The following ACBD5 variants were observed in gnomAD, a reference collection of about 807,000 sequenced individuals.
ACBD5 encodes the protein acyl-CoA-binding domain-containing protein 5.
In ACBD5, 40 loss-of-function variants were observed where a neutral mutation model predicts 71.8. The observed-to-expected ratio is 0.56, with a 90% confidence interval of 0.43 to 0.72. The LOEUF is 0.72. Among genes scored for constraint, ACBD5 ranks in the 30% least tolerant of loss-of-function variants. The pLI is 0.00. For missense variants in ACBD5, 559 were observed against 644.5 expected, an observed-to-expected ratio of 0.87 and a Z score of 1.44; for synonymous variants, 229 against 218.6, an observed-to-expected ratio of 1.05 and a Z score of -0.42.
chr10:27,238,192 G>A (rs1259003539), intron 2 of ACBD5, among the ~76,000 whole-genome samples: 1 of 151,710 alleles, frequency 6.6e-6, no homozygotes, highest in African/African-American at 2.4e-5. Context: ...TGATCCGCCA[G>A]CCCCGTGATC....
At chr10:27,221,122 A>G (rs891619541) in intron 5 of ACBD5, among the ~76,000 whole-genome samples, 1 of 98,890 alleles carries the variant, frequency 1.0e-5, no homozygotes, top group African/African-American at 3.8e-5. Context: ...CAGGTCCACA[A>G]TCCCTTACTT....
chr10:27,186,301 C>T, intron 13 of ACBD5: 1 of 1,390,958 alleles, frequency 7.2e-7, no homozygotes, highest in Non-Finnish European at 1.0e-6. Context: ...GAGACATTCT[C>T]TTTTTATAAT....
At chr10:27,224,081 G>A (rs1269858875) in intron 4 of ACBD5, among the ~76,000 whole-genome samples, 2 of 151,482 alleles carry the variant, frequency 1.3e-5, no homozygotes, top group Non-Finnish European at 2.9e-5. Flanking sequence ...ACAGCTAGGG[G>A]GCGCAGTGCA....
chr10:27,211,077 A>G lies in ACBD5; in HGVS notation c.941T>C (p.Leu314Ser), dbSNP rs1200761401. 2 of 1,614,092 alleles carry G rather than the reference A, an allele frequency of 1.2e-6. No individual in the cohort carries two copies. Among genetic ancestry groups the G allele is most frequent in the Admixed American group, 1.7e-5 (1 of 60,022 alleles). ...TCCATTGTTGGACGTAAAGCTGTCT[A>G]AAGACTACAAATTAGAAATGACACT... ...SMEQFGQEES[L>S]DSFTSNNGPF... Residue 314 changes from leucine (L) to serine (S), a missense_variant, in exon 9 of 13, where the codon TTA becomes TCA. Leu to Ser is a moderately radical substitution (Grantham distance 145). Coordinates refer to ENST00000396271, the MANE Select transcript of ACBD5 (RefSeq NM_145698.5).
In ACBD5 at chr10:27,211,060, T is replaced by C. The variant is rs1474412747; in HGVS notation, c.958A>G (p.Asn320Asp). Reference sequence around the variant, plus strand: ...AAGTAATACTGAAATGGTCCATTGTTGGACGTAAAGCTGTCTAAAGACTAC... The same window carrying C: ...AAGTAATACTGAAATGGTCCATTGTCGGACGTAAAGCTGTCTAAAGACTAC... ...QEESLDSFTS[N>D]NGPFQYYLGG... Residue 320 changes from asparagine (N) to aspartate (D), a missense_variant, in exon 9 of 13, where the codon AAC (asparagine) becomes GAC (aspartate). Physicochemically the swap from Asn to Asp is conservative, Grantham distance 23 (BLOSUM62 1). Transcript: ENST00000396271. The C allele has an allele frequency of 6.2e-7, 1 of 1,614,114 alleles. No homozygotes were observed. The highest frequency in any genetic ancestry group is 1.3e-5 in the African/African-American group (1 of 74,946).
intron 4 of ACBD5, among the ~76,000 whole-genome samples, chr10:27,226,557 A>C (rs752650171): frequency 6.6e-6 from 1 of 151,920 alleles, no homozygotes; most frequent in African/African-American, 2.4e-5. Flanking sequence ...ATCTAAACCA[A>C]GCTTGTCCAA....
Position 27,196,500 on chromosome 10 carries a change from G to A in ACBD5, c.*930C>T. On this transcript the variant is annotated 3_prime_UTR_variant, in exon 13 of 13. Transcript: ENST00000396271. Reference sequence around the variant, plus strand: ...CGAAGGAAAAACTGAGGCACTAAGAGGTTAAGAGTCCAGTCTATATAGTTC... The same window carrying A: ...CGAAGGAAAAACTGAGGCACTAAGAAGTTAAGAGTCCAGTCTATATAGTTC... 2.2e-6 allele frequency: 1 copy of A among 454,480 alleles called. No individual in the cohort carries two copies. Among genetic ancestry groups the A allele is most frequent in the South Asian group, 1.6e-5 (1 of 64,482 alleles). The allele number at this position is 454,480 out of a possible 1,614,324, so 28.2% of individuals were successfully genotyped here.
intron 10 of ACBD5, among the ~76,000 whole-genome samples, chr10:27,206,556 CA>C (rs2060485783): frequency 6.6e-6 from 1 of 152,006 alleles, no homozygotes; most frequent in African/African-American, 2.4e-5. Flanking sequence ...GGTGGAGTTA[CA>C]GTGAGCCAAG....
chr10:27,220,311 T>C (rs1306208410), intron 5 of ACBD5: 2 of 153,864 alleles, frequency 1.3e-5, no homozygotes, highest in African/African-American at 4.8e-5. Context: ...ACTCACATTA[T>C]CTGTCTTTAT....
At chr10:27,220,005 T>C (rs2062134513) in intron 5 of ACBD5, 148 bp from the exon 6 acceptor site, 3 of 539,228 alleles carry the variant, frequency 5.6e-6, no homozygotes, top group Non-Finnish European at 5.4e-6. Context: ...TTTCTTTGAC[T>C]ATAAACATAC....
intron 10 of ACBD5, among the ~76,000 whole-genome samples, chr10:27,207,453 A>C (rs1413400508): frequency 2.0e-5 from 3 of 152,180 alleles, no homozygotes; most frequent in Non-Finnish European, 4.4e-5. Context: ...CATGAGTCAC[A>C]ATTAATGTAT....
chr10:27,215,601 C>T lies in ACBD5; in HGVS notation c.870G>A (p.Gln290=), dbSNP rs567275182. ...CACTGTCTGAATCGCTTGTCAAATG[C>T]TGAATTCCTGTAACATCTTCAACAT... ...DDHVEDVTGI[Q]HLTSDSDSEV... Residue 290 remains glutamine, a synonymous_variant, in exon 8 of 13, where the codon CAG becomes CAA. Coordinates refer to ENST00000396271, the MANE Select transcript of ACBD5 (RefSeq NM_145698.5). The T allele has an allele frequency of 6.2e-7, 1 of 1,613,452 alleles. No homozygotes were observed. The highest frequency in any genetic ancestry group is 1.3e-5 in the African/African-American group (1 of 75,044).
chr10:27,238,952 C>T (rs1448453693), intron 2 of ACBD5, among the ~76,000 whole-genome samples: 2 of 152,128 alleles, frequency 1.3e-5, no homozygotes, highest in African/African-American at 4.8e-5. Context: ...AATCCCAGCA[C>T]TTTGGGTGGC....
chr10:27,189,590 G>T (rs10829206), intron 13 of ACBD5, among the ~76,000 whole-genome samples: 77,462 of 133,566 alleles, frequency 0.58, 22,815 homozygotes, highest in Non-Finnish European at 0.63. Flanking sequence ...CATGGACATA[G>T]GAAGGGGAAC....
intron 12 of ACBD5, 145 bp from the exon 13 acceptor site, chr10:27,197,587 G>A: frequency 1.5e-6 from 1 of 659,586 alleles, no homozygotes; most frequent in Non-Finnish European, 2.7e-6. Flanking sequence ...CATATGACTT[G>A]CAGCCTGATA....
intron 8 of ACBD5, among the ~76,000 whole-genome samples, chr10:27,214,482 C>T (rs1238827059): frequency 6.6e-6 from 1 of 152,048 alleles, no homozygotes; most frequent in East Asian, 1.9e-4. Context: ...CCTGGGATTA[C>T]AGGTGTGAGC....
chr10:27,237,621 C>CTTTTTTT (rs60724833), intron 2 of ACBD5, among the ~76,000 whole-genome samples: 5 of 133,670 alleles, frequency 3.7e-5, no homozygotes, highest in Admixed American at 8.1e-5. Flanking sequence ...GATAGGATAT[C>CTTTTTTT]TTTTTTTTTT....
At chr10:27,219,902 A>G in intron 5 of ACBD5, 45 bp from the exon 6 acceptor site, 1 of 1,585,684 alleles carries the variant, frequency 6.3e-7, no homozygotes, top group Non-Finnish European at 8.6e-7. Flanking sequence ...ATAATATACA[A>G]TAATGTCATA....
In ACBD5 at chr10:27,196,726, T is replaced by G. The variant is rs1588939034; in HGVS notation, c.*704A>C. The G allele has an allele frequency of 2.2e-6, 1 of 454,460 alleles. No homozygotes were observed. Among genetic ancestry groups the G allele is most frequent in the African/African-American group, 2.0e-5 (1 of 50,124 alleles). The allele number at this position is 454,460 out of a possible 1,614,324, so 28.2% of individuals were successfully genotyped here. A position where few individuals can be genotyped will look rare whatever the true frequency, so the allele number is the denominator to read the frequency against. On this transcript the variant is annotated 3_prime_UTR_variant, in exon 13 of 13. Coordinates refer to ENST00000396271, the MANE Select transcript of ACBD5 (RefSeq NM_145698.5). Reference sequence around the variant, plus strand: ...AATCATCTACAGGCTCAGAATACACTTTTAAACCTACATGAAGCTCATTCT... The same window carrying G: ...AATCATCTACAGGCTCAGAATACACGTTTAAACCTACATGAAGCTCATTCT...
Sources: allele counts gnomAD v4.1 joint callset (sites outside exome capture counted in the v4.1 genomes callset), GRCh38; gene constraint gnomAD v4.1.1; transcripts MANE v1.5; gene names NCBI Gene and HGNC (gene_info 2026-07-23, HGNC 2026-07-21).